Variants in EPB41 observed in about 807,000 individuals in gnomAD.
EPB41 encodes the protein protein 4.1.
EPB41 carries 65 observed loss-of-function variants against 108.0 expected under a neutral mutation model. That is an observed-to-expected ratio of 0.60 (90% CI 0.49 to 0.74). The LOEUF (loss-of-function observed/expected upper bound fraction) is 0.74, where lower values mean the gene tolerates loss of function less well. EPB41 is among the 30% of genes least tolerant of loss of function. EPB41 has a pLI of 0.00. For missense variants in EPB41, 875 were observed against 1,037.0 expected, an observed-to-expected ratio of 0.84 and a Z score of 2.15; for synonymous variants, 336 against 358.9, an observed-to-expected ratio of 0.94 and a Z score of 0.72.
chr1:28,993,703 C>CA (rs2096082475), intron 3 of EPB41, among the ~76,000 whole-genome samples, 161 bp downstream of exon 3: 1 of 141,846 alleles, frequency 7.0e-6, no homozygotes, highest in Admixed American at 7.5e-5. Flanking sequence ...GTCACCCAGG[C>CA]TGGAGTGCAG....
chr1:29,057,936 G>A (rs1386409930), intron 12 of EPB41, among the ~76,000 whole-genome samples: 1 of 152,198 alleles, frequency 6.6e-6, no homozygotes. Flanking sequence ...GCATGTGCTT[G>A]TTTATAAGCC....
At chr1:28,956,773 T>TA (rs761582674) in intron 1 of EPB41, among the ~76,000 whole-genome samples, 6 of 152,230 alleles carry the variant, frequency 3.9e-5, no homozygotes, top group Non-Finnish European at 7.3e-5. Context: ...CTGTGGGAGA[T>TA]ACAGATATTT....
At chr1:28,920,342 C>G (rs570447378) in intron 1 of EPB41, among the ~76,000 whole-genome samples, 126 of 152,016 alleles carry the variant, frequency 8.3e-4, no homozygotes, top group Non-Finnish European at 1.2e-3. Flanking sequence ...ATAATCTGTA[C>G]TCTTGTAGTT....
At chr1:29,058,748 A>C in intron 13 of EPB41, 63 bp from the exon 14 acceptor site, 2 of 1,532,130 alleles carry the variant, frequency 1.3e-6, no homozygotes, top group African/African-American at 1.4e-5. Flanking sequence ...ATGAAGGTTC[A>C]AACAAACTTC....
intron 7 of EPB41, among the ~76,000 whole-genome samples, chr1:29,022,088 C>A (rs1438661405): frequency 6.6e-6 from 1 of 152,122 alleles, no homozygotes; most frequent in East Asian, 1.9e-4. Flanking sequence ...TCCCCATGAT[C>A]TTGACAGCTT....
chr1:29,089,009 T>C (rs1487190170), intron 16 of EPB41, among the ~76,000 whole-genome samples: 2 of 152,186 alleles, frequency 1.3e-5, no homozygotes, highest in African/African-American at 4.8e-5. Context: ...TTGAAATACC[T>C]TCTGGTGTCA....
chr1:29,096,411 T>C, intron 16 of EPB41: 2 of 985,832 alleles, frequency 2.0e-6, no homozygotes, highest in Non-Finnish European at 2.4e-6. Context: ...GGGGGATGTA[T>C]AGGAGTGGAG....
At chr1:28,905,172 C>T (rs1234924000) in intron 1 of EPB41, among the ~76,000 whole-genome samples, 6 of 148,494 alleles carry the variant, frequency 4.0e-5, no homozygotes, top group African/African-American at 1.2e-4. Flanking sequence ...GCACTCCAGC[C>T]GGGGCGACAG....
intron 7 of EPB41, among the ~76,000 whole-genome samples, chr1:29,019,341 A>G: frequency 6.6e-6 from 1 of 152,202 alleles, no homozygotes; most frequent in Admixed American, 6.5e-5. Context: ...CAAGGCTGCC[A>G]TGAGCTGAGA....
At chr1:28,998,439 T>G (rs1233792483) in intron 4 of EPB41, among the ~76,000 whole-genome samples, 1 of 152,138 alleles carries the variant, frequency 6.6e-6, no homozygotes, top group East Asian at 1.9e-4. Flanking sequence ...TTTAAGCCAT[T>G]TAAGTTCATC....
chr1:29,072,365 T>C (rs772770177), intron 16 of EPB41: 1 of 152,196 alleles, frequency 6.6e-6, no homozygotes, highest in Non-Finnish European at 1.5e-5. Flanking sequence ...TAGAATTGGT[T>C]AGATTATTTT....
intron 15 of EPB41, 109 bp downstream of exon 15, chr1:29,060,593 CA>C (rs1646340987): frequency 1.1e-6 from 1 of 921,546 alleles, no homozygotes; most frequent in South Asian, 1.4e-5. Flanking sequence ...CATGCAATTG[CA>C]TGAAGGGACT....
intron 1 of EPB41, among the ~76,000 whole-genome samples, chr1:28,921,961 T>TATATATATATATATACAC (rs770764638): frequency 7.3e-5 from 8 of 109,936 alleles, no homozygotes; most frequent in East Asian, 7.7e-4. Flanking sequence ...TATATATATA[T>TATATATATATATATACAC]ACACTTTTTT....
chr1:28,909,463 A>G (rs925640067), intron 1 of EPB41, among the ~76,000 whole-genome samples: 1 of 151,548 alleles, frequency 6.6e-6, no homozygotes, highest in African/African-American at 2.4e-5. Flanking sequence ...GTGAGACCCT[A>G]TATCTTGAAA....
chr1:28,976,667 C>T (rs1247306543), intron 1 of EPB41, among the ~76,000 whole-genome samples: 1 of 150,494 alleles, frequency 6.6e-6, no homozygotes, highest in Admixed American at 6.6e-5. Context: ...GAATTTTAAA[C>T]GGTAGCTCTT....
In EPB41 at chr1:29,117,532, A is replaced by G. The variant is rs942052229; in HGVS notation, c.*720A>G. The G allele has an allele frequency of 1.3e-5, 2 of 152,666 alleles. No homozygotes were observed. Among genetic ancestry groups the G allele is most frequent in the African/African-American group, 2.4e-5 (1 of 41,464 alleles). 9.5% of individuals were successfully genotyped at this position (152,666 alleles called of 1,614,324 possible). A position where few individuals can be genotyped will look rare whatever the true frequency, so the allele number is the denominator to read the frequency against. ...TATCTGATACTGTGAATGTTTGAAC[A>G]TATCCGTGGCCTTCACCTCTCCAGC... On this transcript the variant is annotated 3_prime_UTR_variant, in exon 21 of 21. Coordinates refer to ENST00000343067, the MANE Select transcript of EPB41 (RefSeq NM_001376013.1).
At position 29,065,919 on chromosome 1, in the gene EPB41, A is replaced by G. The variant is rs183220367; in HGVS notation, c.2184+761A>G. ...GAGACCAAGGCTGCAGTGAGCCATG[A>G]TTGCACCACTGCACTACAGCCTGGG... On this transcript the variant is annotated intron_variant, in intron 16 of 20. Transcript: ENST00000343067. 61 of 149,580 alleles carry G rather than the reference A, an allele frequency of 4.1e-4. 1 individual carries two copies. The East Asian group carries it at 5.4e-3, about 13-fold the overall frequency. The allele number at this position is 149,580 out of a possible 1,614,324, so 9.3% of individuals were successfully genotyped here.
chr1:28,973,308 C>A (rs1053485399), intron 1 of EPB41, among the ~76,000 whole-genome samples: 1 of 152,088 alleles, frequency 6.6e-6, no homozygotes, highest in African/African-American at 2.4e-5. Context: ...TCTCTGGTGT[C>A]CTTGGGGATA....
intron 16 of EPB41, among the ~76,000 whole-genome samples, chr1:29,087,721 C>G (rs1267703093): frequency 6.6e-6 from 1 of 152,132 alleles, no homozygotes; most frequent in Non-Finnish European, 1.5e-5. Flanking sequence ...ATTTATAACT[C>G]ATAAAGGCAT....
Sources: gnomAD v4.1 joint callset for allele counts (sites outside exome capture counted in the v4.1 genomes callset) on GRCh38, gnomAD v4.1.1 for gene constraint, MANE v1.5 for transcripts, NCBI Gene and HGNC (gene_info 2026-07-23, HGNC 2026-07-21) for gene names.